Variants in ZFHX3 observed in about 807,000 individuals in gnomAD.
ZFHX3 encodes zinc finger homeobox protein 3.
In ZFHX3, 42 loss-of-function variants were observed where a neutral mutation model predicts 279.1. The observed-to-expected ratio is 0.15, with a 90% CI of 0.12 to 0.19. The LOEUF is 0.19. Ranked by LOEUF, ZFHX3 falls within the 10% of genes least tolerant of loss-of-function variation. ZFHX3 has a pLI of 1.00. For synonymous variants in ZFHX3, 2,293 were observed against 1,957.8 expected (o/e 1.17, Z -4.52); for missense variants, 4,981 against 4,754.0 (o/e 1.05, Z -1.40).
chr16:73,673,469 C>T (rs1439392740), intron 2 of ZFHX3, among the ~76,000 whole-genome samples: 1 of 152,104 alleles, frequency 6.6e-6, no homozygotes, highest in African/African-American at 2.4e-5. Flanking sequence ...GAACCTCATT[C>T]TCTTCCCCCT....
At chr16:73,682,082 C>T (rs1030278077) in intron 1 of ZFHX3, among the ~76,000 whole-genome samples, 3 of 152,184 alleles carry the variant, frequency 2.0e-5, no homozygotes, top group African/African-American at 7.2e-5. Context: ...AAAACTGCCA[C>T]AGCAAAGCAG....
In ZFHX3 at chr16:73,639,357, A is replaced by T. The variant is rs554820917; in HGVS notation, c.-1547+40823T>A. On this transcript the variant is annotated intron_variant, in intron 2 of 17. Transcript: ENST00000641206. Reference sequence around the variant, plus strand: ...AAGAAAATCCACTAATATGTTTTGGAGAAGATAAACCCATTTGTCCACAAA... The same window carrying T: ...AAGAAAATCCACTAATATGTTTTGGTGAAGATAAACCCATTTGTCCACAAA... Among the ~76,000 whole-genome samples, 6 of 152,218 alleles carry T rather than the reference A, an allele frequency of 3.9e-5. No homozygotes were observed. In the East Asian group the frequency reaches 1.2e-3, roughly 29 times the overall value.
At chr16:73,684,695 CTT>C (rs201167110) in intron 1 of ZFHX3, among the ~76,000 whole-genome samples, 1,632 of 137,288 alleles carry the variant, frequency 0.012, 30 homozygotes, top group African/African-American at 0.045. Context: ...CACAAGGGTC[CTT>C]TTTTTTTTTT....
chr16:72,897,526 A>G (rs1054038375), intron 3 of ZFHX3, among the ~76,000 whole-genome samples: 1 of 151,780 alleles, frequency 6.6e-6, no homozygotes, highest in Non-Finnish European at 1.5e-5. Flanking sequence ...TACAGCCTCA[A>G]CCTCCCCAGG....
chr16:73,266,304 C>T (rs2013974093), intron 4 of ZFHX3, among the ~76,000 whole-genome samples: 1 of 152,176 alleles, frequency 6.6e-6, no homozygotes, highest in South Asian at 2.1e-4. Flanking sequence ...TACTGCTACA[C>T]ATTTTAAATA....
At chr16:73,282,265 G>A (rs1362516715) in intron 4 of ZFHX3, among the ~76,000 whole-genome samples, 3 of 152,204 alleles carry the variant, frequency 2.0e-5, no homozygotes, top group Admixed American at 2.0e-4. Flanking sequence ...ATCCTGGAAG[G>A]ATGGTGATCC....
At chr16:73,130,666 G>T (rs902599189) in intron 7 of ZFHX3, among the ~76,000 whole-genome samples, 9 of 152,258 alleles carry the variant, frequency 5.9e-5, no homozygotes, top group Admixed American at 4.6e-4. Context: ...GAGTGCAATG[G>T]AGGTGATCTC....
In ZFHX3 at chr16:73,853,443, A is replaced by C. The variant is rs753090871; in HGVS notation, c.-1608+38208T>G. On this transcript the variant is annotated intron_variant, in intron 1 of 17. Coordinates refer to the ZFHX3 transcript ENST00000641206. The stretch of plus-strand genomic sequence containing the variant: ...TTCATCAACCTAAGTATCCATCAAC[A>C]GTTGACTGGATAAAGAAAATGTGGT... Among the ~76,000 whole-genome samples, 3 of 152,352 alleles carry C rather than the reference A, an allele frequency of 2.0e-5. No individual in the cohort carries two copies. In the South Asian group the frequency reaches 6.2e-4, roughly 32 times the overall value.
chr16:73,095,054 T>C (rs183264096), intron 7 of ZFHX3, among the ~76,000 whole-genome samples: 1 of 151,920 alleles, frequency 6.6e-6, no homozygotes, highest in East Asian at 1.9e-4. Context: ...GAGTTAAAAA[T>C]CCTGAAAACC....
At chr16:73,719,159 T>A (rs1449222355) in intron 1 of ZFHX3, among the ~76,000 whole-genome samples, 4 of 152,220 alleles carry the variant, frequency 2.6e-5, no homozygotes, top group African/African-American at 9.6e-5. Flanking sequence ...TAATTGTGCT[T>A]CAATGATCCC....
At chr16:73,269,330 C>T (rs1485208444) in intron 4 of ZFHX3, among the ~76,000 whole-genome samples, 1 of 152,182 alleles carries the variant, frequency 6.6e-6, no homozygotes, top group African/African-American at 2.4e-5. Context: ...TCGTCAGTTA[C>T]CCTTCCCTGC....
chr16:73,347,355 C>A (rs761429035), intron 3 of ZFHX3, among the ~76,000 whole-genome samples: 2 of 152,262 alleles, frequency 1.3e-5, no homozygotes, highest in Admixed American at 1.3e-4. Context: ...GGTATTCCTG[C>A]AGCCCACAAT....
At chr16:72,817,275 G>C (rs144344688) in intron 5 of ZFHX3, among the ~76,000 whole-genome samples, 4 of 152,088 alleles carry the variant, frequency 2.6e-5, no homozygotes, top group Non-Finnish European at 4.4e-5. Context: ...TTCGACATCC[G>C]AATCACTGAA....
chr16:72,820,852 A>G (rs533835655), intron 5 of ZFHX3, among the ~76,000 whole-genome samples: 5 of 152,196 alleles, frequency 3.3e-5, no homozygotes, highest in Non-Finnish European at 7.3e-5. Flanking sequence ...GGTGCAGGAC[A>G]TAGATCAAAA....
At chr16:73,048,811 G>T (rs892374486), upstream of ZFHX3, among the ~76,000 whole-genome samples, 4 of 152,196 alleles carry the variant, frequency 2.6e-5, no homozygotes, top group Non-Finnish European at 5.9e-5. Flanking sequence ...CCTGCTCTCC[G>T]TTGAGAGTTT....
chr16:72,933,371 G>A (rs764512525), intron 3 of ZFHX3, among the ~76,000 whole-genome samples: 13 of 152,198 alleles, frequency 8.5e-5, no homozygotes, highest in South Asian at 2.1e-4. Flanking sequence ...AAGAGACCTC[G>A]AAGCTTCTAC....
intron 1 of ZFHX3, among the ~76,000 whole-genome samples, chr16:73,776,733 A>G (rs1033444896): frequency 1.3e-5 from 2 of 152,178 alleles, no homozygotes; most frequent in Non-Finnish European, 2.9e-5. Flanking sequence ...TATAAAAGCT[A>G]TCAGTAATAA....
chr16:73,839,469 G>T (rs184249405), intron 1 of ZFHX3, among the ~76,000 whole-genome samples: 2 of 151,486 alleles, frequency 1.3e-5, no homozygotes, highest in Non-Finnish European at 2.9e-5. Context: ...AGAGCCAACA[G>T]GTTGGAAGAT....
intron 7 of ZFHX3, chr16:72,808,251 A>G (rs990682766): frequency 3.3e-5 from 5 of 152,226 alleles, no homozygotes; most frequent in Non-Finnish European, 7.3e-5. Context: ...CAGAGCAGAG[A>G]TCAAGATCAT....
Sources: gnomAD v4.1 joint callset for allele counts (sites outside exome capture counted in the v4.1 genomes callset) on GRCh38, gnomAD v4.1.1 for gene constraint, MANE v1.5 for transcripts, NCBI Gene and HGNC (gene_info 2026-07-23, HGNC 2026-07-21) for gene names.